The following CACNA2D1 variants were observed in gnomAD, a reference collection of about 807,000 sequenced individuals.
The protein encoded by CACNA2D1 is calcium voltage-gated channel auxiliary subunit alpha2delta 1.
A neutral mutation model predicts 171.5 loss-of-function variants in CACNA2D1; 53 were observed. The observed-to-expected ratio is 0.31, with a 90% CI of 0.25 to 0.39. The LOEUF is 0.39. CACNA2D1 is among the 10% of genes least tolerant of loss of function. The pLI, the probability that CACNA2D1 is intolerant of heterozygous loss-of-function variation, is 1.00. For missense variants in CACNA2D1, 903 were observed against 1,299.8 expected (o/e 0.69, Z 4.69); for synonymous variants, 442 against 443.1 (o/e 1.00, Z 0.03).
chr7:82,435,889 A>G (rs1830081166), intron 1 of CACNA2D1, among the ~76,000 whole-genome samples: 1 of 152,212 alleles, frequency 6.6e-6, no homozygotes, highest in East Asian at 1.9e-4. Context: ...AGAAATTTAT[A>G]ACCAGACTTA....
chr7:82,105,388 C>A (rs1787618433), intron 6 of CACNA2D1, among the ~76,000 whole-genome samples: 2 of 135,590 alleles, frequency 1.5e-5, no homozygotes, highest in African/African-American at 2.6e-5. Context: ...TTAATCAAAC[C>A]AGTTTTTGTC....
At chr7:82,165,982 CAAGTG>C (rs934033934) in intron 4 of CACNA2D1, among the ~76,000 whole-genome samples, 245 of 152,048 alleles carry the variant, frequency 1.6e-3, no homozygotes, top group African/African-American at 5.5e-3. Flanking sequence ...GACCTCATAC[CAAGTG>C]ACTGTCTGTC....
chr7:82,443,847 C>A (rs1830697005), upstream of CACNA2D1: 1 of 257,618 alleles, frequency 3.9e-6, no homozygotes, highest in African/African-American at 2.4e-5. Flanking sequence ...GGGGCGGGGG[C>A]GGAGGAGGGG....
At chr7:82,159,699 C>T (rs1563136452) in intron 4 of CACNA2D1, among the ~76,000 whole-genome samples, 1 of 149,684 alleles carries the variant, frequency 6.7e-6, no homozygotes, top group Non-Finnish European at 1.5e-5. Flanking sequence ...AAGGAAGTTG[C>T]CAGAAAACAG....
chr7:82,352,769 G>C (rs554513256), intron 1 of CACNA2D1, among the ~76,000 whole-genome samples: 1 of 152,252 alleles, frequency 6.6e-6, no homozygotes, highest in African/African-American at 2.4e-5. Context: ...AAAGACAAGT[G>C]GAACTTGACA....
At chr7:82,223,115 AG>A (rs1801974718) in intron 3 of CACNA2D1, among the ~76,000 whole-genome samples, 1 of 152,050 alleles carries the variant, frequency 6.6e-6, no homozygotes, top group Non-Finnish European at 1.5e-5. Flanking sequence ...CATGTTGGCC[AG>A]GCTGGTCTCG....
At chr7:81,983,088 AC>A (rs1366411036) in intron 23 of CACNA2D1, among the ~76,000 whole-genome samples, 2 of 152,206 alleles carry the variant, frequency 1.3e-5, no homozygotes, top group African/African-American at 4.8e-5. Context: ...AGGATACAAA[AC>A]AAAGCTTCTT....
intron 4 of CACNA2D1, among the ~76,000 whole-genome samples, chr7:82,165,065 A>C (rs114489003): frequency 0.023 from 3,530 of 152,030 alleles, 133 homozygotes; most frequent in African/African-American, 0.081. Flanking sequence ...CATTGGCAGC[A>C]ATCCCAGGAA....
intron 1 of CACNA2D1, among the ~76,000 whole-genome samples, chr7:82,362,075 C>T (rs560364474): frequency 1.3e-5 from 2 of 152,192 alleles, no homozygotes; most frequent in South Asian, 2.1e-4. Context: ...TAACAAGCTC[C>T]GGTGAAAAGA....
In CACNA2D1 at chr7:82,326,850, C is replaced by A. The variant is rs76834487; in HGVS notation, c.294+8285G>T. Among the ~76,000 whole-genome samples, 828 of 108,850 alleles carry A rather than the reference C, an allele frequency of 7.6e-3. 84 individuals are homozygous for A. The East Asian group carries it at 0.1, about 13-fold the overall frequency. 71.4% of individuals were successfully genotyped at this position (108,850 alleles called of 152,430 possible). A position where few individuals can be genotyped will look rare whatever the true frequency, so the allele number is the denominator to read the frequency against. On this transcript the variant is annotated intron_variant, in intron 3 of 38. Transcript: ENST00000356860. ...ACGTGATTCCTGGTTTCAAATACTTCAACTACCATTGACTATTCTCAAATA... is the reference window on the plus strand; with the variant it reads ...ACGTGATTCCTGGTTTCAAATACTTAAACTACCATTGACTATTCTCAAATA...
intron 3 of CACNA2D1, among the ~76,000 whole-genome samples, chr7:82,258,625 A>G: frequency 6.6e-6 from 1 of 152,200 alleles, no homozygotes; most frequent in East Asian, 1.9e-4. Context: ...GATGAAATAC[A>G]TCACCAAGAA....
intron 3 of CACNA2D1, among the ~76,000 whole-genome samples, chr7:82,180,972 G>GAACTTATTTA (rs1228370764): frequency 6.8e-6 from 1 of 147,978 alleles, no homozygotes; most frequent in Non-Finnish European, 1.5e-5. Flanking sequence ...CCAGAAGGGG[G>GAACTTATTTA]AACTTATTTA....
chr7:82,443,758 G>GGCGCTCGC lies in CACNA2D1; in HGVS notation c.-307_-300dup. 8.6e-7 allele frequency: 1 copy of GGCGCTCGC among 1,156,078 alleles called. No individual in the cohort carries two copies. Among genetic ancestry groups the GGCGCTCGC allele is most frequent in the East Asian group, 3.2e-5 (1 of 31,232 alleles). The allele number at this position is 1,156,078 out of a possible 1,614,324, so 71.6% of individuals were successfully genotyped here. A position where few individuals can be genotyped will look rare whatever the true frequency, so the allele number is the denominator to read the frequency against. The stretch of plus-strand genomic sequence containing the variant: ...GGAAACAGACCTCGGCGAGCCCGCC[G>GGCGCTCGC]GCGCTCGCGCGCTCTCGCTCTCCCT... On this transcript the variant is annotated 5_prime_UTR_variant, in exon 1 of 39. Transcript: ENST00000356860.
At position 82,443,639 on chromosome 7, in the gene CACNA2D1, C is replaced by T; in HGVS notation, c.-180G>A. ...GGGACGGCAAGGGCGGGAGCGGACG[C>T]CGAGGAAGGGGCGGTGGCGGGCGGA... On this transcript the variant is annotated 5_prime_UTR_variant, in exon 1 of 39. Transcript: ENST00000356860. 1.5e-6 allele frequency: 2 copies of T among 1,309,020 alleles called. No homozygotes were observed. Among genetic ancestry groups the T allele is most frequent in the Non-Finnish European group, 1.9e-6 (2 of 1,035,848 alleles). The allele number at this position is 1,309,020 out of a possible 1,614,324, so 81.1% of individuals were successfully genotyped here. A position where few individuals can be genotyped will look rare whatever the true frequency, so the allele number is the denominator to read the frequency against.
chr7:82,423,544 C>T (rs1238029996), intron 1 of CACNA2D1, among the ~76,000 whole-genome samples: 1 of 152,100 alleles, frequency 6.6e-6, no homozygotes, highest in Non-Finnish European at 1.5e-5. Flanking sequence ...GCCAAATTTG[C>T]TTATGAGCAA....
chr7:82,010,638 T>C (rs1377272109), intron 15 of CACNA2D1, among the ~76,000 whole-genome samples: 1 of 152,168 alleles, frequency 6.6e-6, no homozygotes, highest in Non-Finnish European at 1.5e-5. Context: ...AAATATGTGA[T>C]GTCTAAAAGG....
At chr7:82,366,224 G>A (rs1176892794) in intron 1 of CACNA2D1, among the ~76,000 whole-genome samples, 1 of 117,044 alleles carries the variant, frequency 8.5e-6, no homozygotes, top group East Asian at 2.9e-4. Context: ...CTAATATAAT[G>A]TCAACTTTTG....
At chr7:82,260,299 T>C (rs1188560046) in intron 3 of CACNA2D1, among the ~76,000 whole-genome samples, 1 of 152,196 alleles carries the variant, frequency 6.6e-6, no homozygotes, top group Non-Finnish European at 1.5e-5. Context: ...GTATAGTTAT[T>C]ATTAACAATA....
intron 21 of CACNA2D1, 145 bp downstream of exon 21, chr7:81,991,040 C>T: frequency 3.9e-6 from 2 of 517,608 alleles, no homozygotes; most frequent in Middle Eastern, 4.8e-4. Context: ...CCATCTTTTC[C>T]ATTTTAAAAA....
Sources: allele counts gnomAD v4.1 joint callset (sites outside exome capture counted in the v4.1 genomes callset), GRCh38; gene constraint gnomAD v4.1.1; transcripts MANE v1.5; gene names NCBI Gene and HGNC (gene_info 2026-07-23, HGNC 2026-07-21).